VCAN: variants seen among roughly 807,000 people sequenced by gnomAD.
The protein encoded by VCAN is versican core protein.
Under a neutral mutation model 245.5 loss-of-function variants are expected in VCAN, and 44 were observed. The ratio of observed to expected loss-of-function variants is 0.18; its 90% confidence interval spans 0.14 to 0.23. VCAN has a LOEUF of 0.23. Ranked by LOEUF, VCAN falls within the 10% of genes least tolerant of loss-of-function variation. The pLI is 1.00. For missense variants in VCAN, 3,793 were observed against 4,057.9 expected, an observed-to-expected ratio of 0.93 and a Z score of 1.77; for synonymous variants, 1,413 against 1,437.0, an observed-to-expected ratio of 0.98 and a Z score of 0.38.
rs1482034579 is a variant in VCAN at position 83,519,958 on chromosome 5, C to T, written c.1652C>T (p.Thr551Ile). Residue 551 changes from threonine to isoleucine, a missense_variant, in exon 7 of 15, where the codon ACC becomes ATC. Physicochemically the swap from Thr to Ile is moderately conservative, Grantham distance 89. Transcript: ENST00000265077. The part of the protein sequence containing the change: ...ELVTTGHYGF[T>I]LGEEDDEDRT... ...GTAACCACAGGTCACTATGGATTCACCTTGGGAGAAGAGGATGATGAAGAC... is the reference window on the plus strand; with the variant it reads ...GTAACCACAGGTCACTATGGATTCATCTTGGGAGAAGAGGATGATGAAGAC... 6.2e-7 allele frequency: 1 copy of T among 1,614,062 alleles called. No homozygotes were observed.
In VCAN at chr5:83,538,658, G is replaced by A. The variant is rs1561255437; in HGVS notation, c.5655G>A (p.Leu1885=). The A allele has an allele frequency of 6.2e-7, 1 of 1,614,068 alleles. No individual in the cohort carries two copies. Among genetic ancestry groups the A allele is most frequent in the Admixed American group, 1.7e-5 (1 of 60,010 alleles). The change falls in exon 8 of 15, where the codon CTG becomes CTA. Residue 1885 remains leucine, a synonymous_variant. Coordinates refer to ENST00000265077, the MANE Select transcript of VCAN (RefSeq NM_004385.5). ...CATTCTCCACTGAGCCAACAGGACT[G>A]GTTTTGAGTACAGTAATGGACAGAG... ...ETTFSTEPTG[L]VLSTVMDRVV... is the part of the protein sequence containing the mutation.
intron 7 of VCAN, among the ~76,000 whole-genome samples, chr5:83,529,269 A>G (rs1746426942): frequency 6.6e-6 from 1 of 151,402 alleles, no homozygotes; most frequent in Non-Finnish European, 1.5e-5. Flanking sequence ...CAACATTGTT[A>G]CAGGAGGCAC....
chr5:83,475,330 A>T (rs1188269377), intron 1 of VCAN, among the ~76,000 whole-genome samples: 1 of 152,194 alleles, frequency 6.6e-6, no homozygotes, highest in Non-Finnish European at 1.5e-5. Context: ...TTTGCTGCAT[A>T]TTGGAAGAAC....
chr5:83,513,740 A>C (rs1370911500), intron 6 of VCAN, among the ~76,000 whole-genome samples: 2 of 152,200 alleles, frequency 1.3e-5, no homozygotes, highest in Non-Finnish European at 2.9e-5. Context: ...ACAGATGTAC[A>C]TTCCTTTAAG....
chr5:83,545,902 T>G (rs1747197443), intron 9 of VCAN, among the ~76,000 whole-genome samples: 1 of 152,094 alleles, frequency 6.6e-6, no homozygotes, highest in African/African-American at 2.4e-5. Flanking sequence ...ACAGGTAGAA[T>G]TTACAAATGT....
intron 6 of VCAN, among the ~76,000 whole-genome samples, chr5:83,518,700 A>G (rs527238745): frequency 6.6e-6 from 1 of 152,356 alleles, no homozygotes; most frequent in South Asian, 2.1e-4. Flanking sequence ...ATGAAGACAA[A>G]TGTCCAACAC....
intron 11 of VCAN, among the ~76,000 whole-genome samples, chr5:83,554,254 C>G (rs1747580739): frequency 6.6e-6 from 1 of 152,256 alleles, no homozygotes; most frequent in Admixed American, 6.5e-5. Flanking sequence ...CCTCCCACCT[C>G]TGCTTCCCAA....
chr5:83,497,561 A>G (rs998667757), intron 5 of VCAN, among the ~76,000 whole-genome samples: 10 of 152,216 alleles, frequency 6.6e-5, no homozygotes, highest in African/African-American at 2.4e-4. Context: ...GGAAATTATG[A>G]TGGCTTATTA....
chr5:83,580,298 T>G lies in VCAN; in HGVS notation c.10064-9T>G, dbSNP rs1252311274. 1 of 1,613,918 alleles carries G rather than the reference T, an allele frequency of 6.2e-7. No individual in the cohort carries two copies. Among genetic ancestry groups the G allele is most frequent in the Admixed American group, 1.7e-5 (1 of 60,000 alleles). On this transcript the variant is annotated splice_polypyrimidine_tract_variant and intron_variant, in intron 14 of 14. Transcript: ENST00000265077. ...TGTTTTCTTTTTTTCTTTCTTTCCT[T>G]CCATGTAGCATCTGCATACCAAAGG...
Position 83,490,215 on chromosome 5 carries a change from G to A in VCAN, c.188G>A (p.Arg63His), listed in dbSNP as rs142148754. The A allele has an allele frequency of 1.9e-5, 31 of 1,614,098 alleles. No individual in the cohort carries two copies. The highest frequency in any genetic ancestry group is 4.5e-5 in the East Asian group (2 of 44,856). ...PPSYNTSEFL[R>H]IKWSKIEVDK... is the part of the protein sequence containing the mutation. ...AGTTACAACACCAGTGAATTTCTCC[G>A]CATCAAATGGTCTAAGATTGAAGTG... The change falls in exon 3 of 15, where the codon CGC becomes CAC. Residue 63 changes from arginine to histidine, a missense_variant. Around this residue, in one of 5 missense-constraint regions of VCAN, gnomAD observed 179 missense variants for 169.7 expected, o/e 1.05. Transcript: ENST00000265077.
At chr5:83,563,674 T>C (rs1023120852) in intron 12 of VCAN, among the ~76,000 whole-genome samples, 12 of 152,182 alleles carry the variant, frequency 7.9e-5, no homozygotes, top group Non-Finnish European at 1.8e-4. Context: ...TGGTATCCAG[T>C]GCGTTTGGAT....
chr5:83,560,159 T>C (rs1281270575), intron 12 of VCAN, among the ~76,000 whole-genome samples: 1 of 152,132 alleles, frequency 6.6e-6, no homozygotes, highest in African/African-American at 2.4e-5. Context: ...CAATAAACTT[T>C]GGGAATTAAA....
chr5:83,532,387 A>G (rs1746556977), intron 7 of VCAN, among the ~76,000 whole-genome samples: 1 of 152,096 alleles, frequency 6.6e-6, no homozygotes, highest in African/African-American at 2.4e-5. Context: ...TTATCTGCAT[A>G]TATTAATAGT....
chr5:83,555,706 A>G (rs1435697094), intron 12 of VCAN, among the ~76,000 whole-genome samples: 1 of 152,172 alleles, frequency 6.6e-6, no homozygotes, highest in Non-Finnish European at 1.5e-5. Context: ...TGTCTATACT[A>G]GTGGTACTCA....
intron 5 of VCAN, among the ~76,000 whole-genome samples, chr5:83,504,775 TC>T (rs1236319720): frequency 6.6e-6 from 1 of 152,174 alleles, no homozygotes; most frequent in Non-Finnish European, 1.5e-5. Context: ...TTGGTATATT[TC>T]CTGATGTATT....
At chr5:83,529,665 G>A (rs1746444761) in intron 7 of VCAN, among the ~76,000 whole-genome samples, 2 of 151,918 alleles carry the variant, frequency 1.3e-5, no homozygotes, top group African/African-American at 4.8e-5. Context: ...AACCTCCACA[G>A]GCCTCAGTTG....
chr5:83,489,953 T>C, intron 2 of VCAN, 145 bp from the exon 3 acceptor site: 2 of 793,850 alleles, frequency 2.5e-6, no homozygotes, highest in South Asian at 3.5e-5. Context: ...TGTATGCTAT[T>C]CTCTTTATAT....
intron 2 of VCAN, among the ~76,000 whole-genome samples, chr5:83,488,064 T>C (rs1363648078): frequency 6.6e-6 from 1 of 152,244 alleles, no homozygotes; most frequent in Admixed American, 6.5e-5. Context: ...TAAATAATTC[T>C]TCAGGAAGGA....
At chr5:83,505,112 G>A (rs147938606) in intron 5 of VCAN, among the ~76,000 whole-genome samples, 1,748 of 152,148 alleles carry the variant, frequency 0.011, 44 homozygotes, top group African/African-American at 0.039. Flanking sequence ...AGATTTGGGT[G>A]GGGACACAGC....
Sources: gnomAD v4.1 joint callset for allele counts (sites outside exome capture counted in the v4.1 genomes callset) on GRCh38, gnomAD v4.1.1 for gene constraint, gnomAD v4.1.1 regional missense constraint, MANE v1.5 for transcripts, NCBI Gene and HGNC (gene_info 2026-07-23, HGNC 2026-07-21) for gene names.